The following RABGAP1L variants were observed in gnomAD, a reference collection of about 807,000 sequenced individuals.
The protein encoded by RABGAP1L is RAB GTPase activating protein 1 like.
Under a neutral mutation model 137.7 loss-of-function variants are expected in RABGAP1L, and 63 were observed. That is an observed-to-expected ratio of 0.46 (90% CI 0.37 to 0.56). The LOEUF is 0.56. RABGAP1L is among the 20% of genes least tolerant of loss of function. The pLI is 0.00. For missense variants in RABGAP1L, 1,095 were observed against 1,244.0 expected, an observed-to-expected ratio of 0.88 and a Z score of 1.80; for synonymous variants, 431 against 433.7, an observed-to-expected ratio of 0.99 and a Z score of 0.08.
chr1:174,844,145 T>C (rs1397949358), intron 19 of RABGAP1L, among the ~76,000 whole-genome samples: 1 of 147,746 alleles, frequency 6.8e-6, no homozygotes, highest in Non-Finnish European at 1.5e-5. Context: ...GATGAGTAGG[T>C]TGCGAAAATT....
At chr1:174,394,335 A>G (rs1240331573) in intron 13 of RABGAP1L, among the ~76,000 whole-genome samples, 190 bp downstream of exon 13, 1 of 152,188 alleles carries the variant, frequency 6.6e-6, no homozygotes, top group Non-Finnish European at 1.5e-5. Context: ...ATCTATGAAC[A>G]TTGTATGCCT....
intron 13 of RABGAP1L, among the ~76,000 whole-genome samples, chr1:174,484,997 A>G (rs1659485758): frequency 6.6e-6 from 1 of 152,098 alleles, no homozygotes; most frequent in African/African-American, 2.4e-5. Flanking sequence ...TGAAATATCT[A>G]TCCATTTGTG....
At chr1:174,795,945 C>T (rs1479065381) in intron 18 of RABGAP1L, among the ~76,000 whole-genome samples, 1 of 152,160 alleles carries the variant, frequency 6.6e-6, no homozygotes, top group Middle Eastern at 3.2e-3. Context: ...GTGCATACTA[C>T]ATGTGTTAAT....
intron 13 of RABGAP1L, among the ~76,000 whole-genome samples, chr1:174,596,622 C>T (rs187294749): frequency 6.6e-6 from 1 of 152,134 alleles, no homozygotes; most frequent in Admixed American, 6.5e-5. Context: ...TTGATTAAGT[C>T]TTTAGGTTTT....
At chr1:174,414,437 C>T (rs1342780017) in intron 13 of RABGAP1L, among the ~76,000 whole-genome samples, 1 of 152,076 alleles carries the variant, frequency 6.6e-6, no homozygotes, top group East Asian at 1.9e-4. Context: ...TTTAAATTGA[C>T]AGGATAGTAG....
At chr1:174,887,612 TGG>T (rs36031364) in intron 19 of RABGAP1L, among the ~76,000 whole-genome samples, 87 of 149,704 alleles carry the variant, frequency 5.8e-4, no homozygotes, top group Admixed American at 1.5e-3. Flanking sequence ...TGCAAAAACT[TGG>T]GGGGGGGGTC....
At position 174,327,988 on chromosome 1, in the gene RABGAP1L, T is replaced by TATATAC. The variant is rs1558136247; in HGVS notation, c.1465+22866_1465+22867insCATATA. On this transcript the variant is annotated intron_variant, in intron 11 of 25. Coordinates refer to ENST00000681986, the MANE Select transcript of RABGAP1L (RefSeq NM_001366446.1). ...ATATATATATATATATACACACACA[T>TATATAC]ATATATATATATATATATATATATA... 3.6e-3 allele frequency among the ~76,000 whole-genome samples: 82 copies of TATATAC among 22,780 alleles called. 4 individuals are homozygous for TATATAC. Among genetic ancestry groups the TATATAC allele is most frequent in the Admixed American group, 6.0e-3 (16 of 2,654 alleles). 14.9% of individuals were successfully genotyped at this position (22,780 alleles called of 152,430 possible).
intron 15 of RABGAP1L, among the ~76,000 whole-genome samples, chr1:174,684,980 CA>C (rs1678351387): frequency 7.0e-6 from 1 of 142,826 alleles, no homozygotes; most frequent in African/African-American, 2.5e-5. Flanking sequence ...GACCCTGTCT[CA>C]AAAAAATAAT....
intron 12 of RABGAP1L, among the ~76,000 whole-genome samples, chr1:174,388,492 TGA>T (rs201147109): frequency 8.0e-5 from 12 of 150,068 alleles, no homozygotes; most frequent in African/African-American, 1.7e-4. Context: ...AAAGAAAGGT[TGA>T]GAGAGAGAGA....
intron 7 of RABGAP1L, among the ~76,000 whole-genome samples, chr1:174,261,537 G>T (rs1323575395): frequency 2.6e-5 from 4 of 152,112 alleles, no homozygotes; most frequent in Non-Finnish European, 4.4e-5. Flanking sequence ...TTGAGGAAAA[G>T]ATATCCTAGA....
intron 19 of RABGAP1L, among the ~76,000 whole-genome samples, chr1:174,858,507 C>G (rs144334150): frequency 4.9e-4 from 75 of 152,294 alleles, no homozygotes; most frequent in African/African-American, 1.7e-3. Context: ...CTCCCCACAA[C>G]AAAGAGTCAG....
intron 17 of RABGAP1L, among the ~76,000 whole-genome samples, chr1:174,730,604 C>T (rs1572956224): frequency 1.3e-5 from 2 of 152,010 alleles, no homozygotes; most frequent in East Asian, 1.9e-4. Flanking sequence ...GGATTTTCCC[C>T]GAAACTGGTT....
At chr1:174,837,248 T>G (rs994753813) in intron 19 of RABGAP1L, among the ~76,000 whole-genome samples, 6 of 152,182 alleles carry the variant, frequency 3.9e-5, no homozygotes, top group African/African-American at 1.4e-4. Context: ...GAATTTTCTG[T>G]ATTATTCACT....
At chr1:174,839,057 T>TGG (rs1396638892) in intron 19 of RABGAP1L, among the ~76,000 whole-genome samples, 1,435 of 56,646 alleles carry the variant, frequency 0.025, 30 homozygotes, top group African/African-American at 0.066. Flanking sequence ...GTGTGTGTGT[T>TGG]GGTAGGGGTG....
At position 174,317,260 on chromosome 1, in the gene RABGAP1L, C is replaced by T. The variant is rs147581224; in HGVS notation, c.1465+12133C>T. 1.2e-3 allele frequency among the ~76,000 whole-genome samples: 189 copies of T among 152,030 alleles called. 1 individual carries two copies. Among genetic ancestry groups the T allele is most frequent in the African/African-American group, 3.6e-3 (150 of 41,468 alleles). On this transcript the variant is annotated intron_variant, in intron 11 of 25. Transcript: ENST00000681986. ...CAGCTAGTAATGTGCTGAGTTTCATCGGAAGCCAGCAAGTCTCAGGGGCTC... is the reference window on the plus strand; with the variant it reads ...CAGCTAGTAATGTGCTGAGTTTCATTGGAAGCCAGCAAGTCTCAGGGGCTC...
In RABGAP1L at chr1:174,865,400, CTG is replaced by C. The variant is rs555827104; in HGVS notation, c.2340+53443_2340+53444del. ...TAAGCGAGTCTACATTAAAGAGAAA[CTG>C]TGCTTTCAAAGAGTTACTTTTGTCT... On this transcript the variant is annotated intron_variant, in intron 19 of 25. Coordinates refer to ENST00000681986, the MANE Select transcript of RABGAP1L (RefSeq NM_001366446.1). Among the ~76,000 whole-genome samples the C allele has an allele frequency of 1.1e-4, 17 of 152,292 alleles. No homozygotes were observed. In the East Asian group the frequency reaches 2.9e-3, roughly 26 times the overall value.
In RABGAP1L at chr1:174,814,838, G is replaced by A. The variant is rs371386873; in HGVS notation, c.2340+2878G>A. Reference sequence around the variant, plus strand: ...TGAGTAGCTGGGACTACAGTCATGTGCCACCACGCCTGGCTATTTTTGTAT... The same window carrying A: ...TGAGTAGCTGGGACTACAGTCATGTACCACCACGCCTGGCTATTTTTGTAT... On this transcript the variant is annotated intron_variant, in intron 19 of 25. Coordinates refer to ENST00000681986, the MANE Select transcript of RABGAP1L (RefSeq NM_001366446.1). Among the ~76,000 whole-genome samples the A allele has an allele frequency of 2.6e-5, 4 of 152,042 alleles. 1 individual carries two copies.
At chr1:174,171,028 G>A (rs1279101919) in intron 1 of RABGAP1L, among the ~76,000 whole-genome samples, 1 of 152,154 alleles carries the variant, frequency 6.6e-6, no homozygotes, top group Non-Finnish European at 1.5e-5. Flanking sequence ...GGGTTCAAGG[G>A]ATCTGTGAGT....
chr1:174,850,135 A>T, intron 19 of RABGAP1L: 5 of 478,676 alleles, frequency 1.0e-5, no homozygotes, highest in Admixed American at 9.1e-5. Flanking sequence ...TCTAGGTTGA[A>T]ATTCCTGATC....
Sources: gnomAD v4.1 joint callset for allele counts (sites outside exome capture counted in the v4.1 genomes callset) on GRCh38, gnomAD v4.1.1 for gene constraint, MANE v1.5 for transcripts, NCBI Gene and HGNC (gene_info 2026-07-23, HGNC 2026-07-21) for gene names.